DSCAML1: variants seen among roughly 807,000 people sequenced by gnomAD.
DSCAML1 encodes DS cell adhesion molecule like 1, also known as cell adhesion molecule DSCAML1.
In DSCAML1, 38 loss-of-function variants were observed where a neutral mutation model predicts 200.5. That is an observed-to-expected ratio of 0.19 (90% CI 0.15 to 0.25). The LOEUF (loss-of-function observed/expected upper bound fraction) is 0.25, where lower values mean the gene tolerates loss of function less well. DSCAML1 is among the 10% of genes least tolerant of loss of function. DSCAML1 has a pLI of 1.00. For missense variants in DSCAML1, 2,223 were observed against 2,858.8 expected, an observed-to-expected ratio of 0.78 and a Z score of 5.07; for synonymous variants, 1,215 against 1,165.0, an observed-to-expected ratio of 1.04 and a Z score of -0.87.
intron 3 of DSCAML1, among the ~76,000 whole-genome samples, chr11:117,748,812 G>A (rs1331467983): frequency 6.6e-6 from 1 of 152,156 alleles, no homozygotes; most frequent in African/African-American, 2.4e-5. Context: ...CCCCTCCTCT[G>A]CCCACGTCCA....
intron 3 of DSCAML1, among the ~76,000 whole-genome samples, chr11:117,717,898 C>A (rs1254295925): frequency 6.6e-6 from 1 of 152,152 alleles, no homozygotes; most frequent in Non-Finnish European, 1.5e-5. Context: ...GCTTTACCAA[C>A]CTAGTCCCAG....
At chr11:117,639,732 G>A (rs1360391540) in intron 3 of DSCAML1, among the ~76,000 whole-genome samples, 1 of 152,064 alleles carries the variant, frequency 6.6e-6, no homozygotes, top group Non-Finnish European at 1.5e-5. Flanking sequence ...GGACTCAGGT[G>A]CTTTGGCTGG....
chr11:117,695,756 C>A (rs995098117), intron 3 of DSCAML1, among the ~76,000 whole-genome samples: 3 of 152,130 alleles, frequency 2.0e-5, no homozygotes, highest in African/African-American at 7.2e-5. Flanking sequence ...GTTGGAAAAC[C>A]GGGTGCTTGC....
At chr11:117,703,270 C>T (rs2053699597) in intron 3 of DSCAML1, among the ~76,000 whole-genome samples, 1 of 152,204 alleles carries the variant, frequency 6.6e-6, no homozygotes, top group Admixed American at 6.5e-5. Flanking sequence ...ATTATCTGGG[C>T]TGCCTTCACC....
At chr11:117,636,794 C>T (rs186129371) in intron 3 of DSCAML1, among the ~76,000 whole-genome samples, 1 of 152,322 alleles carries the variant, frequency 6.6e-6, no homozygotes, top group East Asian at 1.9e-4. Context: ...TTTACATCTA[C>T]TTTGTAGGGT....
intron 3 of DSCAML1, among the ~76,000 whole-genome samples, chr11:117,684,632 C>T (rs575247419): frequency 6.6e-6 from 1 of 152,006 alleles, no homozygotes; most frequent in Non-Finnish European, 1.5e-5. Flanking sequence ...GGTGGCCCCT[C>T]CTGTCTTTGT....
At chr11:117,593,887 G>T (rs1242725243) in intron 3 of DSCAML1, among the ~76,000 whole-genome samples, 2 of 151,670 alleles carry the variant, frequency 1.3e-5, no homozygotes, top group Non-Finnish European at 2.9e-5. Context: ...AATTTTTTTT[G>T]TATTTTTAGT....
chr11:117,440,681 G>A (rs978958487), intron 21 of DSCAML1, among the ~76,000 whole-genome samples: 5 of 152,168 alleles, frequency 3.3e-5, no homozygotes, highest in Admixed American at 1.3e-4. Context: ...GGAGGCTGTG[G>A]CAGGCGGATC....
rs1592573192 is a variant in DSCAML1, at chr11:117,438,070, C to G, written c.4257G>C (p.Gln1419His). ...ACTCCTCGCTGTTGTCCACCGAGTA[C>G]TGTAGCACGAAGCCTGCGGAGGGTA... is the stretch of plus-strand genomic sequence containing the variant. ...GGSSIRGFVL[Q>H]YSVDNSEEWK... is the part of the protein sequence containing the mutation. Residue 1419 changes from glutamine to histidine, a missense_variant, in exon 25 of 33, where the codon CAG becomes CAC. Around this residue, in one of 7 missense-constraint regions of DSCAML1, gnomAD observed 614 missense variants for 739.1 expected, o/e 0.83. Coordinates refer to ENST00000651296, the MANE Select transcript of DSCAML1 (RefSeq NM_020693.4). 2 of 1,612,470 alleles carry G rather than the reference C, an allele frequency of 1.2e-6. No homozygotes were observed. Among genetic ancestry groups the G allele is most frequent in the Non-Finnish European group, 8.5e-7 (1 of 1,178,862 alleles).
intron 3 of DSCAML1, among the ~76,000 whole-genome samples, chr11:117,718,745 G>T (rs557482452): frequency 1.2e-4 from 16 of 134,102 alleles, no homozygotes; most frequent in African/African-American, 3.1e-4. Flanking sequence ...ACTCGTTACT[G>T]CGCACTTGGC....
At chr11:117,541,441 G>A (rs1391412547) in intron 3 of DSCAML1, among the ~76,000 whole-genome samples, 1 of 152,192 alleles carries the variant, frequency 6.6e-6, no homozygotes, top group Non-Finnish European at 1.5e-5. Flanking sequence ...ATGAATCCTG[G>A]CAGTGGAGGA....
chr11:117,542,185 TG>T (rs1401477320), intron 3 of DSCAML1, among the ~76,000 whole-genome samples: 8 of 152,120 alleles, frequency 5.3e-5, no homozygotes, highest in African/African-American at 1.9e-4. Context: ...GTCAGGCTCC[TG>T]TAATTTCAGC....
At chr11:117,740,768 T>A (rs1425562948) in intron 3 of DSCAML1, among the ~76,000 whole-genome samples, 3 of 152,262 alleles carry the variant, frequency 2.0e-5, no homozygotes, top group African/African-American at 7.2e-5. Context: ...ACATATTTAT[T>A]GTTCAAGAAA....
intron 3 of DSCAML1, among the ~76,000 whole-genome samples, chr11:117,631,281 G>A (rs1416201635): frequency 1.3e-5 from 2 of 152,216 alleles, no homozygotes; most frequent in East Asian, 1.9e-4. Flanking sequence ...GATACGATGA[G>A]AGTTTTTCTA....
intron 3 of DSCAML1, among the ~76,000 whole-genome samples, chr11:117,603,538 G>T (rs1183527445): frequency 6.6e-6 from 1 of 152,178 alleles, no homozygotes; most frequent in African/African-American, 2.4e-5. Flanking sequence ...TGAGATAGTG[G>T]ATATAGGGCA....
intron 3 of DSCAML1, among the ~76,000 whole-genome samples, chr11:117,587,441 G>A (rs575798148): frequency 6.6e-6 from 1 of 152,062 alleles, no homozygotes; most frequent in Non-Finnish European, 1.5e-5. Flanking sequence ...GACCCCCATG[G>A]TGGGTCTGGG....
chr11:117,691,721 C>T (rs1173237421), intron 3 of DSCAML1, among the ~76,000 whole-genome samples: 1 of 152,156 alleles, frequency 6.6e-6, no homozygotes, highest in Non-Finnish European at 1.5e-5. Context: ...ACTACATCGA[C>T]ACTACATGTT....
intron 3 of DSCAML1, among the ~76,000 whole-genome samples, chr11:117,592,482 T>C (rs757254412): frequency 3.9e-5 from 6 of 151,990 alleles, no homozygotes; most frequent in Non-Finnish European, 7.4e-5. Flanking sequence ...TTTTCTTTCT[T>C]TGGTGTCTCC....
At chr11:117,585,250 AT>A (rs889553367) in intron 3 of DSCAML1, among the ~76,000 whole-genome samples, 2 of 151,288 alleles carry the variant, frequency 1.3e-5, no homozygotes, top group Non-Finnish European at 2.9e-5. Flanking sequence ...GTTTTCTGCT[AT>A]TTTTTTTCTT....
Sources: allele counts gnomAD v4.1 joint callset (sites outside exome capture counted in the v4.1 genomes callset), GRCh38; gene constraint gnomAD v4.1.1; regional missense constraint gnomAD v4.1.1; transcripts MANE v1.5; gene names NCBI Gene and HGNC (gene_info 2026-07-23, HGNC 2026-07-21).